The following EXOC4 variants were observed in gnomAD, a reference collection of about 807,000 sequenced individuals.
The protein encoded by EXOC4 is SEC8-like 1.
EXOC4 carries 71 observed loss-of-function variants against 107.2 expected under a neutral mutation model. The observed-to-expected ratio is 0.66, with a 90% CI of 0.55 to 0.81. The LOEUF is 0.81. Ranked by LOEUF, EXOC4 falls within the 30% of genes least tolerant of loss-of-function variation. EXOC4 has a pLI of 0.00. For missense variants in EXOC4, 1,108 were observed against 1,189.6 expected, an observed-to-expected ratio of 0.93 and a Z score of 1.01; for synonymous variants, 456 against 441.2, an observed-to-expected ratio of 1.03 and a Z score of -0.42.
In EXOC4 at chr7:133,779,184, T is replaced by C. The variant is rs546018763; in HGVS notation, c.1515-38141T>C. On this transcript the variant is annotated intron_variant, in intron 10 of 17. Coordinates refer to ENST00000253861, the MANE Select transcript of EXOC4 (RefSeq NM_021807.4). ...GTTGTATTGGAAAGGTAATTTTGTT[T>C]TGGTAGGCCACAGGGTTTTGCTTTC... Among the ~76,000 whole-genome samples the C allele has an allele frequency of 2.4e-4, 36 of 152,346 alleles. 1 individual carries two copies. The South Asian group carries it at 7.5e-3, about 32-fold the overall frequency.
chr7:133,776,173 A>G (rs1796341396), intron 10 of EXOC4, among the ~76,000 whole-genome samples: 2 of 152,090 alleles, frequency 1.3e-5, no homozygotes, highest in Admixed American at 6.6e-5. Context: ...TGAGTTTTTC[A>G]GTTTCTTTTT....
At chr7:133,850,961 T>A (rs6972284) in intron 11 of EXOC4, among the ~76,000 whole-genome samples, 1 of 151,982 alleles carries the variant, frequency 6.6e-6, no homozygotes, top group Non-Finnish European at 1.5e-5. Context: ...GCTTATTCAA[T>A]TCTTCCTCAT....
rs1205228481 is a variant in EXOC4, at chr7:133,899,123, T to G, written c.1871+3388T>G. Among the ~76,000 whole-genome samples, 4 of 152,018 alleles carry G rather than the reference T, an allele frequency of 2.6e-5. No homozygotes were observed. In the East Asian group the frequency reaches 7.7e-4, roughly 29 times the overall value. On this transcript the variant is annotated intron_variant, in intron 12 of 17. Transcript: ENST00000253861. The stretch of plus-strand genomic sequence containing the variant: ...TTTTTTTTAAGTAGGGCATGCCCTC[T>G]TTTTCTAGTAAGTTGTCTGATTATG...
intron 10 of EXOC4, among the ~76,000 whole-genome samples, chr7:133,744,850 G>A (rs1562979823): frequency 2.6e-5 from 4 of 152,104 alleles, no homozygotes; most frequent in African/African-American, 9.7e-5. Flanking sequence ...TGCACATGCA[G>A]CCAAACCTGG....
chr7:134,068,550 A>G (rs564150701), downstream of EXOC4, among the ~76,000 whole-genome samples: 29 of 152,150 alleles, frequency 1.9e-4, no homozygotes, highest in Non-Finnish European at 4.4e-5. Flanking sequence ...ACCCAGTGTC[A>G]GGTATTTCTT....
intron 10 of EXOC4, among the ~76,000 whole-genome samples, chr7:133,679,697 C>T (rs892017410): frequency 6.6e-6 from 1 of 152,182 alleles, no homozygotes; most frequent in Non-Finnish European, 1.5e-5. Context: ...AACTATAACA[C>T]TATTATAATC....
chr7:133,474,474 AT>A (rs34366230), intron 7 of EXOC4, among the ~76,000 whole-genome samples: 2,225 of 141,584 alleles, frequency 0.016, 12 homozygotes, highest in Non-Finnish European at 0.021. Context: ...TGCCCAGCCA[AT>A]TTTTTTTTTT....
chr7:133,748,546 G>A (rs1416635527), intron 10 of EXOC4, among the ~76,000 whole-genome samples: 3 of 152,144 alleles, frequency 2.0e-5, no homozygotes, highest in Non-Finnish European at 1.5e-5. Flanking sequence ...ACCTTAGCAT[G>A]TAATTTTATT....
intron 10 of EXOC4, among the ~76,000 whole-genome samples, chr7:133,809,116 G>A (rs1376569598): frequency 6.6e-6 from 1 of 152,064 alleles, no homozygotes; most frequent in African/African-American, 2.4e-5. Flanking sequence ...CATGCTACAG[G>A]CTTGTTTTTA....
At chr7:134,022,024 T>G (rs1795042053) in intron 17 of EXOC4, among the ~76,000 whole-genome samples, 1 of 152,208 alleles carries the variant, frequency 6.6e-6, no homozygotes, top group Admixed American at 6.5e-5. Context: ...TACAGCCCAG[T>G]TCCCCATTTC....
chr7:133,746,146 T>C (rs1233134147), intron 10 of EXOC4, among the ~76,000 whole-genome samples: 1 of 152,134 alleles, frequency 6.6e-6, no homozygotes, highest in Admixed American at 6.6e-5. Flanking sequence ...TTTTTAGAAG[T>C]GGCCATTCCA....
chr7:133,722,490 A>G (rs1347386026), intron 10 of EXOC4, among the ~76,000 whole-genome samples: 1 of 152,164 alleles, frequency 6.6e-6, no homozygotes, highest in African/African-American at 2.4e-5. Context: ...GAAACTGGCT[A>G]TTGTTAAACC....
chr7:133,982,423 G>A (rs1302237710), intron 14 of EXOC4, among the ~76,000 whole-genome samples: 1 of 152,124 alleles, frequency 6.6e-6, no homozygotes, highest in Non-Finnish European at 1.5e-5. Context: ...GTGGTGGCGG[G>A]TGCTTGTAGT....
chr7:133,773,464 T>TTTATTATTATTATTA (rs141227227), intron 10 of EXOC4, among the ~76,000 whole-genome samples: 41 of 149,294 alleles, frequency 2.7e-4, no homozygotes, highest in African/African-American at 9.9e-4. Context: ...TTACTAGGTT[T>TTTATTATTATTATTA]TTATTATTAT....
intron 7 of EXOC4, among the ~76,000 whole-genome samples, chr7:133,402,651 A>G (rs142885088): frequency 2.0e-5 from 3 of 152,152 alleles, no homozygotes; most frequent in Admixed American, 2.0e-4. Flanking sequence ...GGCATGCGCT[A>G]CCACACCCAG....
chr7:133,822,597 T>C (rs1797548353), intron 11 of EXOC4, among the ~76,000 whole-genome samples: 2 of 152,190 alleles, frequency 1.3e-5, no homozygotes, highest in African/African-American at 4.8e-5. Flanking sequence ...TCCAGATGAT[T>C]TGTATATACA....
chr7:133,802,946 T>C (rs373390657), intron 10 of EXOC4, among the ~76,000 whole-genome samples: 3 of 151,012 alleles, frequency 2.0e-5, no homozygotes, highest in African/African-American at 7.3e-5. Flanking sequence ...AAGATATGCA[T>C]GTGGGAAATG....
rs540296547 is a variant in EXOC4, at chr7:133,547,583, C to A, written c.1417+67445C>A. Among the ~76,000 whole-genome samples the A allele has an allele frequency of 3.9e-5, 6 of 152,288 alleles. No individual in the cohort carries two copies. The South Asian group carries it at 1.2e-3, about 32-fold the overall frequency. On this transcript the variant is annotated intron_variant, in intron 9 of 17. Transcript: ENST00000253861. Reference sequence around the variant, plus strand: ...ACATTGGAGTCAATCCCCTCAAACGCTGTCACTGCTTTATCAATTAAGTTT... The same window carrying A: ...ACATTGGAGTCAATCCCCTCAAACGATGTCACTGCTTTATCAATTAAGTTT...
the EXOC4 span, among the ~76,000 whole-genome samples, chr7:134,095,438 A>G: frequency 6.6e-6 from 1 of 152,190 alleles, no homozygotes; most frequent in Non-Finnish European, 1.5e-5. Flanking sequence ...TCGAACTGCC[A>G]ACTTCATTTT....
Sources: gnomAD v4.1 joint callset for allele counts (sites outside exome capture counted in the v4.1 genomes callset) on GRCh38, gnomAD v4.1.1 for gene constraint, MANE v1.5 for transcripts, NCBI Gene and HGNC (gene_info 2026-07-23, HGNC 2026-07-21) for gene names.